FCRL2: variants seen among roughly 807,000 people sequenced by gnomAD.
The protein encoded by FCRL2 is Fc receptor like 2, also known as Fc receptor-like protein 2.
A neutral mutation model predicts 59.8 loss-of-function variants in FCRL2; 48 were observed. That is an observed-to-expected ratio of 0.80 (90% confidence interval 0.64 to 1.02). The LOEUF is 1.02. Among genes scored for constraint, FCRL2 ranks in the 50% least tolerant of loss-of-function variants. FCRL2 has a pLI of 0.00. For missense variants in FCRL2, 658 were observed against 597.3 expected (o/e 1.10, Z -1.06); for synonymous variants, 251 against 229.5 (o/e 1.09, Z -0.85).
At chr1:157,759,455 A>G (rs574683995) in intron 7 of FCRL2, among the ~76,000 whole-genome samples, 4 of 152,232 alleles carry the variant, frequency 2.6e-5, no homozygotes, top group Non-Finnish European at 4.4e-5. Flanking sequence ...AATGGGACCT[A>G]ATTAAACTAA....
At position 157,748,976 on chromosome 1, in the gene FCRL2, T is replaced by G; in HGVS notation, c.1308-16A>C. On this transcript the variant is annotated splice_polypyrimidine_tract_variant and intron_variant, in intron 8 of 11. Coordinates refer to ENST00000361516, the MANE Select transcript of FCRL2 (RefSeq NM_030764.4). ...GGAAGCCCCTCTGTGAGAAAGTGAA[T>G]TAATTGTATGATAATCCCCAGGGCA... is the stretch of plus-strand genomic sequence containing the variant. 6.2e-7 allele frequency: 1 copy of G among 1,607,984 alleles called. No individual in the cohort carries two copies.
At chr1:157,752,886 G>A (rs1249955426) in intron 7 of FCRL2, among the ~76,000 whole-genome samples, 1 of 152,128 alleles carries the variant, frequency 6.6e-6, no homozygotes, top group Non-Finnish European at 1.5e-5. Flanking sequence ...ACTTTGTTGA[G>A]AGACACTGAT....
chr1:157,749,086 G>T, intron 8 of FCRL2, 126 bp from the exon 9 acceptor site: 3 of 730,690 alleles, frequency 4.1e-6, no homozygotes, highest in Non-Finnish European at 6.9e-6. Context: ...GTGATTTTAT[G>T]GCCCTTTGTG....
intron 7 of FCRL2, 52 bp downstream of exon 7, chr1:157,766,803 A>G: frequency 1.2e-6 from 2 of 1,605,930 alleles, no homozygotes; most frequent in African/African-American, 1.3e-5. Context: ...AATCTATATC[A>G]GTAGTGGAAA....
At chr1:157,758,048 C>T (rs965132724) in intron 7 of FCRL2, among the ~76,000 whole-genome samples, 1 of 152,240 alleles carries the variant, frequency 6.6e-6, no homozygotes, top group Admixed American at 6.5e-5. Flanking sequence ...AACACAGACA[C>T]CCTACACTGT....
intron 2 of FCRL2, among the ~76,000 whole-genome samples, chr1:157,775,568 G>T (rs1030500936): frequency 6.6e-6 from 1 of 152,238 alleles, no homozygotes; most frequent in African/African-American, 2.4e-5. Context: ...AGCATGTGGG[G>T]TCTTGAGAAG....
At chr1:157,768,829 C>G in intron 4 of FCRL2, 128 bp from the exon 5 acceptor site, 1 of 909,086 alleles carries the variant, frequency 1.1e-6, no homozygotes, top group Non-Finnish European at 1.6e-6. Context: ...TATAAGCATT[C>G]CTATGGAGGT....
chr1:157,763,397 T>C (rs1571275731), intron 7 of FCRL2, among the ~76,000 whole-genome samples: 1 of 151,600 alleles, frequency 6.6e-6, no homozygotes, highest in African/African-American at 2.4e-5. Context: ...TGGTGGCGGG[T>C]GCCTGTAATC....
chr1:157,776,152 G>A (rs558968269), intron 1 of FCRL2, among the ~76,000 whole-genome samples: 2 of 152,156 alleles, frequency 1.3e-5, no homozygotes, highest in South Asian at 2.1e-4. Flanking sequence ...GATCACAAAG[G>A]GCTCATCAGG....
chr1:157,765,016 T>A, intron 7 of FCRL2, among the ~76,000 whole-genome samples: 1 of 151,496 alleles, frequency 6.6e-6, no homozygotes, highest in South Asian at 2.1e-4. Flanking sequence ...ATACAAAGGA[T>A]CAATAAAACA....
intron 7 of FCRL2, among the ~76,000 whole-genome samples, chr1:157,758,030 A>G (rs1648736498): frequency 6.6e-6 from 1 of 152,232 alleles, no homozygotes; most frequent in African/African-American, 2.4e-5. Flanking sequence ...TGCTATCCCA[A>G]GAAGACCAAC....
intron 2 of FCRL2, among the ~76,000 whole-genome samples, chr1:157,771,907 G>A (rs981723188): frequency 6.6e-6 from 1 of 151,988 alleles, no homozygotes; most frequent in Non-Finnish European, 1.5e-5. Flanking sequence ...CAGAGCTACA[G>A]CCAAAAAGCC....
chr1:157,748,640 T>G (rs2275232), intron 9 of FCRL2, 22 bp from the exon 10 acceptor site: 265,583 of 1,607,824 alleles, frequency 0.17, 22,688 homozygotes, highest in East Asian at 0.23. Flanking sequence ...AGACAAGAGT[T>G]CACAGATGTT....
rs185286885 is a variant in FCRL2, at chr1:157,764,394, C to A, written c.1279+2461G>T. 4.6e-5 allele frequency among the ~76,000 whole-genome samples: 7 copies of A among 152,314 alleles called. No homozygotes were observed. The East Asian group carries it at 1.3e-3, about 29-fold the overall frequency. On this transcript the variant is annotated intron_variant, in intron 7 of 11. Coordinates refer to ENST00000361516, the MANE Select transcript of FCRL2 (RefSeq NM_030764.4). ...AATAGTGGGGTAATTCAACACTTCA[C>A]TCTTAGCATTAGACAGATCATCTGA... is the stretch of plus-strand genomic sequence containing the variant.
At chr1:157,776,916 C>A in intron 1 of FCRL2, 127 bp downstream of exon 1, 1 of 863,318 alleles carries the variant, frequency 1.2e-6, no homozygotes, top group Non-Finnish European at 1.9e-6. Flanking sequence ...GCCTTTGAAG[C>A]CCAAGCTGCA....
intron 7 of FCRL2, among the ~76,000 whole-genome samples, chr1:157,750,834 T>C (rs1648131083): frequency 1.3e-5 from 2 of 152,302 alleles, no homozygotes; most frequent in African/African-American, 2.4e-5. Context: ...TATTTTAAAA[T>C]GGACTTCAAA....
At chr1:157,755,959 G>A (rs1648559850) in intron 7 of FCRL2, among the ~76,000 whole-genome samples, 1 of 152,140 alleles carries the variant, frequency 6.6e-6, no homozygotes, top group African/African-American at 2.4e-5. Flanking sequence ...GATATTGTAT[G>A]AATGTTTTAC....
rs1476649618 is a variant in FCRL2 at position 157,768,649 on chromosome 1, C to A, written c.648G>T (p.Val216=). 39 of 1,614,008 alleles carry A rather than the reference C, an allele frequency of 2.4e-5. No individual in the cohort carries two copies. The highest frequency in any genetic ancestry group is 3.3e-5 in the Non-Finnish European group (39 of 1,180,000). ...GCAGGATCAGTTTTTGTCCTTCAGT[C>A]ACCTGTCCCCCGGGGGCCCGGATCT... ...SLEIRAPGGQ[V]TEGQKLILLC... is the part of the protein sequence containing the mutation. The change falls in exon 5 of 12, where the codon GTG becomes GTT. Residue 216 remains valine, a synonymous_variant. Transcript: ENST00000361516.
Position 157,748,911 on chromosome 1 carries a change from G to C in FCRL2, c.1357C>G (p.Pro453Ala). Residue 453 changes from proline (P) to alanine (A), a missense_variant, in exon 9 of 12, where the codon CCA (proline) becomes GCA (alanine). Coordinates refer to ENST00000361516, the MANE Select transcript of FCRL2 (RefSeq NM_030764.4). ...ACTGGCTGCAGCTCCTCCATGTCTG[G>C]GGTTGGGCTTGAATAGGTGAACTCT... The part of the protein sequence containing the change: ...PQEFTYSSPT[P>A]DMEELQPVYV... The C allele has an allele frequency of 1.2e-6, 2 of 1,613,908 alleles. No homozygotes were observed. The highest frequency in any genetic ancestry group is 1.7e-6 in the Non-Finnish European group (2 of 1,179,932).
Sources: allele counts gnomAD v4.1 joint callset (sites outside exome capture counted in the v4.1 genomes callset), GRCh38; gene constraint gnomAD v4.1.1; transcripts MANE v1.5; gene names NCBI Gene and HGNC (gene_info 2026-07-23, HGNC 2026-07-21).